SLC25A21: variants seen among roughly 807,000 people sequenced by gnomAD.
SLC25A21 encodes solute carrier family 25 member 21.
A neutral mutation model predicts 43.8 loss-of-function variants in SLC25A21; 47 were observed. The observed-to-expected ratio is 1.07, with a 90% CI of 0.85 to 1.37. SLC25A21 has a LOEUF of 1.37. SLC25A21 is among the 40% of genes most tolerant of loss of function. The pLI is 0.00. For missense variants in SLC25A21, 352 were observed against 350.2 expected, an observed-to-expected ratio of 1.00 and a Z score of -0.04; for synonymous variants, 131 against 121.3, an observed-to-expected ratio of 1.08 and a Z score of -0.52.
At chr14:36,999,803 A>T (rs537633159) in intron 1 of SLC25A21, among the ~76,000 whole-genome samples, 22 of 152,258 alleles carry the variant, frequency 1.4e-4, no homozygotes, top group Admixed American at 1.4e-3. Flanking sequence ...ATAGAAGCAG[A>T]TTGCTTGAAG....
chr14:36,962,437 CTGTTTTATATCCT>C (rs1484870276), intron 1 of SLC25A21, among the ~76,000 whole-genome samples: 5 of 152,146 alleles, frequency 3.3e-5, no homozygotes, highest in African/African-American at 1.2e-4. Flanking sequence ...TACATATCTG[CTGTTTTATATCCT>C]TTGATCTACA....
chr14:36,944,829 T>G (rs1892644546), intron 1 of SLC25A21, among the ~76,000 whole-genome samples: 1 of 152,188 alleles, frequency 6.6e-6, no homozygotes, highest in South Asian at 2.1e-4. Context: ...GCCCTAAAGC[T>G]AGGTCCACTG....
rs572583658 is a variant in SLC25A21, at chr14:37,004,656, C to T, written c.71-129652G>A. Among the ~76,000 whole-genome samples the T allele has an allele frequency of 7.2e-5, 11 of 152,272 alleles. 1 individual carries two copies. The South Asian group carries it at 2.1e-3, about 29-fold the overall frequency. On this transcript the variant is annotated intron_variant, in intron 1 of 9. Coordinates refer to ENST00000331299, the MANE Select transcript of SLC25A21 (RefSeq NM_030631.4). ...GACCACCTCCTGCATCAGGTGTGAG[C>T]AGACATCAGCCTGCTGAGGGCTCCT...
chr14:36,919,669 CTATT>C (rs1891928334), intron 1 of SLC25A21, among the ~76,000 whole-genome samples: 1 of 147,778 alleles, frequency 6.8e-6, no homozygotes, highest in African/African-American at 2.6e-5. Flanking sequence ...CTATCTATCT[CTATT>C]TATCTACCCA....
intron 3 of SLC25A21, among the ~76,000 whole-genome samples, chr14:36,749,815 C>T (rs1432539072): frequency 6.6e-6 from 1 of 152,186 alleles, no homozygotes; most frequent in Non-Finnish European, 1.5e-5. Flanking sequence ...CTTCCATTAC[C>T]TCCCCTTTAT....
intron 1 of SLC25A21, among the ~76,000 whole-genome samples, chr14:37,057,321 G>C (rs1961851742): frequency 6.6e-6 from 1 of 152,162 alleles, no homozygotes; most frequent in Non-Finnish European, 1.5e-5. Flanking sequence ...TGGGTCCTGA[G>C]TGCCTTGTCA....
At chr14:37,029,498 T>C (rs1463470090) in intron 1 of SLC25A21, among the ~76,000 whole-genome samples, 2 of 152,212 alleles carry the variant, frequency 1.3e-5, no homozygotes, top group African/African-American at 2.4e-5. Context: ...ACAGTGCATC[T>C]TTAATTTCTG....
At position 36,923,990 on chromosome 14, in the gene SLC25A21, C is replaced by T. The variant is rs112600014; in HGVS notation, c.71-48986G>A. Among the ~76,000 whole-genome samples, 366 of 152,232 alleles carry T rather than the reference C, an allele frequency of 2.4e-3. 4 individuals carry two copies. The highest frequency in any genetic ancestry group is 8.2e-3 in the African/African-American group (342 of 41,524). On this transcript the variant is annotated intron_variant, in intron 1 of 9. Coordinates refer to ENST00000331299, the MANE Select transcript of SLC25A21 (RefSeq NM_030631.4). The stretch of plus-strand genomic sequence containing the variant: ...ACCACAATGAGATACCATCTCACAC[C>T]AGTTAGAATGGTGATCATTAAAAAG...
chr14:36,935,656 G>A (rs980373766), intron 1 of SLC25A21, among the ~76,000 whole-genome samples: 2 of 149,376 alleles, frequency 1.3e-5, no homozygotes, highest in South Asian at 2.1e-4. Context: ...AGGCTACAGC[G>A]TACTGAAGCA....
intron 2 of SLC25A21, among the ~76,000 whole-genome samples, chr14:36,845,906 G>T (rs954138628): frequency 6.6e-6 from 1 of 152,208 alleles, no homozygotes; most frequent in Non-Finnish European, 1.5e-5. Context: ...TTTACGGTTG[G>T]AGTGTAACAG....
intron 1 of SLC25A21, among the ~76,000 whole-genome samples, chr14:37,057,796 T>A (rs1435077643): frequency 6.6e-6 from 1 of 152,228 alleles, no homozygotes; most frequent in Non-Finnish European, 1.5e-5. Context: ...CTTTTGTCAT[T>A]TTGAGAGCGT....
intron 1 of SLC25A21, among the ~76,000 whole-genome samples, chr14:37,127,695 T>C: frequency 6.6e-6 from 1 of 152,212 alleles, no homozygotes; most frequent in East Asian, 1.9e-4. Context: ...GGTCTCTAAC[T>C]GACTGCTACA....
chr14:36,734,509 T>C lies in SLC25A21; in HGVS notation c.268A>G (p.Lys90Glu), dbSNP rs1043962846. 5 of 1,606,454 alleles carry C rather than the reference T, an allele frequency of 3.1e-6. No individual in the cohort carries two copies. The highest frequency in any genetic ancestry group is 4.3e-6 in the Non-Finnish European group (5 of 1,175,886). Residue 90 changes from lysine to glutamate, a missense_variant and splice_region_variant, in exon 4 of 10, where the codon AAG becomes GAG. Physicochemically the swap from Lys to Glu is moderately conservative, Grantham distance 56 (BLOSUM62 1). Coordinates refer to ENST00000331299, the MANE Select transcript of SLC25A21 (RefSeq NM_030631.4). ...ILAETPKRAV[K>E]FFTFEQYKKL... ...GTGCGAACGCATGCAATGCTTACCT[T>C]CACTGCTCTTTTTGGGGTTTCAGCC...
At position 36,981,138 on chromosome 14, in the gene SLC25A21, A is replaced by C. The variant is rs1297941588; in HGVS notation, c.71-106134T>G. ...AATGCAAATCAAAAACCACAATGAGATACCATCTCACACCAGTTAGAATGG... is the reference window on the plus strand; with the variant it reads ...AATGCAAATCAAAAACCACAATGAGCTACCATCTCACACCAGTTAGAATGG... On this transcript the variant is annotated intron_variant, in intron 1 of 9. Transcript: ENST00000331299. 2.6e-5 allele frequency among the ~76,000 whole-genome samples: 4 copies of C among 152,118 alleles called. No individual in the cohort carries two copies. In the East Asian group the frequency reaches 7.8e-4, roughly 30 times the overall value.
chr14:36,781,186 C>T (rs1163585914), intron 3 of SLC25A21, among the ~76,000 whole-genome samples: 1 of 152,130 alleles, frequency 6.6e-6, no homozygotes, highest in Non-Finnish European at 1.5e-5. Context: ...ACTTTTCCAT[C>T]CCTTCACTTT....
intron 3 of SLC25A21, among the ~76,000 whole-genome samples, chr14:36,739,240 T>C (rs1387669241): frequency 1.3e-5 from 2 of 152,254 alleles, no homozygotes; most frequent in Non-Finnish European, 2.9e-5. Flanking sequence ...ATATAACTGA[T>C]AGAACTGGTC....
intron 3 of SLC25A21, among the ~76,000 whole-genome samples, chr14:36,765,012 C>T (rs1886360882): frequency 6.6e-6 from 1 of 152,230 alleles, no homozygotes; most frequent in Non-Finnish European, 1.5e-5. Flanking sequence ...GGGCCTATGT[C>T]CCTTCTCTTT....
chr14:36,895,888 C>T (rs887661764), intron 1 of SLC25A21, among the ~76,000 whole-genome samples: 10 of 152,314 alleles, frequency 6.6e-5, no homozygotes, highest in South Asian at 2.1e-4. Context: ...AGTTTCATTG[C>T]ACTGTGGTCT....
intron 1 of SLC25A21, among the ~76,000 whole-genome samples, chr14:37,144,491 C>A (rs1209466640): frequency 1.3e-5 from 2 of 151,982 alleles, no homozygotes; most frequent in Admixed American, 6.6e-5. Flanking sequence ...TCCTGTGGAC[C>A]CACTGTGGAA....
Sources: gnomAD v4.1 joint callset for allele counts (sites outside exome capture counted in the v4.1 genomes callset) on GRCh38, gnomAD v4.1.1 for gene constraint, MANE v1.5 for transcripts, NCBI Gene and HGNC (gene_info 2026-07-23, HGNC 2026-07-21) for gene names.